MED13: variants seen among roughly 807,000 people sequenced by gnomAD.
MED13 encodes mediator of RNA polymerase II transcription subunit 13.
In MED13, 23 loss-of-function variants were observed where a neutral mutation model predicts 225.2. The observed-to-expected ratio is 0.10, with a 90% confidence interval of 0.07 to 0.14. The LOEUF is 0.14. Among genes scored for constraint, MED13 ranks in the 10% least tolerant of loss-of-function variants. The pLI is 1.00. For synonymous variants in MED13, 942 were observed against 889.2 expected, an observed-to-expected ratio of 1.06 and a Z score of -1.06; for missense variants, 2,197 against 2,594.5, an observed-to-expected ratio of 0.85 and a Z score of 3.33.
At position 61,961,080 on chromosome 17, in the gene MED13, C is replaced by T. The variant is rs1366271673; in HGVS notation, c.5267G>A (p.Cys1756Tyr). Residue 1756 changes from cysteine (C) to tyrosine (Y), a missense_variant, in exon 23 of 30, where the codon TGT (cysteine) becomes TAT (tyrosine). Cys to Tyr is a radical substitution (Grantham distance 194, BLOSUM62 -2). Around this residue, in one of 12 missense-constraint regions of MED13, gnomAD observed 457 missense variants for 442.2 expected, o/e 1.03. Coordinates refer to ENST00000397786, the MANE Select transcript of MED13 (RefSeq NM_005121.3). ...AAAAGGAGGTGCATAAAGTCGAATA[C>T]ACTCTGGTCTCTATAAAATAAAAAA... ...TALRSPDRPECIRLYAPPFIL... is the reference protein window; with the variant it reads ...TALRSPDRPEYIRLYAPPFIL... The T allele has an allele frequency of 6.2e-7, 1 of 1,612,236 alleles. No homozygotes were observed.
At chr17:62,009,744 T>C (rs539463791) in intron 9 of MED13, among the ~76,000 whole-genome samples, 48 of 152,276 alleles carry the variant, frequency 3.2e-4, no homozygotes, top group African/African-American at 1.1e-3. Flanking sequence ...AAAATTCTTA[T>C]ACAAGTAAAC....
Position 62,031,597 on chromosome 17 carries a change from G to C in MED13, c.856C>G (p.Pro286Ala). 6.2e-7 allele frequency: 1 copy of C among 1,612,636 alleles called. No homozygotes were observed. The highest frequency in any genetic ancestry group is 8.5e-7 in the Non-Finnish European group (1 of 1,179,420). ...MIYPACFVLV[P>A]QSDIPTPSPV... Reference sequence around the variant, plus strand: ...CTAGGAGTAGGAATGTCTGACTGAGGGACTAGAACAAAGCATGCTGGGTAG... The same window carrying C: ...CTAGGAGTAGGAATGTCTGACTGAGCGACTAGAACAAAGCATGCTGGGTAG... The change falls in exon 6 of 30, where the codon CCT (proline) becomes GCT (alanine). Residue 286 changes from proline to alanine, a missense_variant. By Grantham distance (27) the Pro-to-Ala change is conservative. This residue lies in a region of MED13 where 884 missense variants were observed against 918.5 expected (regional missense o/e 0.96). Coordinates refer to ENST00000397786, the MANE Select transcript of MED13 (RefSeq NM_005121.3).
At chr17:62,057,577 T>C (rs568318581) in intron 2 of MED13, among the ~76,000 whole-genome samples, 80 of 152,364 alleles carry the variant, frequency 5.3e-4, no homozygotes, top group African/African-American at 1.8e-3. Context: ...TGGGACTAGA[T>C]TCCTATGCCT....
chr17:62,053,013 T>C (rs991772321), intron 2 of MED13, among the ~76,000 whole-genome samples: 3 of 152,196 alleles, frequency 2.0e-5, no homozygotes, highest in Admixed American at 1.3e-4. Flanking sequence ...CTTGTTTGTA[T>C]AACCTGGAAA....
At chr17:61,990,294 A>G (rs2080284595) in intron 11 of MED13, among the ~76,000 whole-genome samples, 1 of 152,054 alleles carries the variant, frequency 6.6e-6, no homozygotes, top group Admixed American at 6.6e-5. Context: ...ATATACATAC[A>G]CACACATATA....
rs374135060 is a variant in MED13, at chr17:62,012,422, G to A, written c.1284-1189C>T. Among the ~76,000 whole-genome samples the A allele has an allele frequency of 4.4e-3, 653 of 147,364 alleles. 8 individuals are homozygous for A. Among genetic ancestry groups the A allele is most frequent in the African/African-American group, 0.015 (584 of 40,074 alleles). ...TCAGCTCACCGCAACCTCCACCTCC[G>A]GGGTTCAAGCGATTCTCCTGCCTCA... On this transcript the variant is annotated intron_variant, in intron 8 of 29. Coordinates refer to ENST00000397786, the MANE Select transcript of MED13 (RefSeq NM_005121.3).
In MED13 at chr17:61,982,642, T is replaced by C. The variant is rs755284521; in HGVS notation, c.3361A>G (p.Arg1121Gly). Residue 1121 changes from arginine to glycine, a missense_variant, in exon 16 of 30, where the codon AGG becomes GGG. Around this residue, in one of 12 missense-constraint regions of MED13, gnomAD observed 99 missense variants for 158.5 expected, o/e 0.62. Transcript: ENST00000397786. Reference sequence around the variant, plus strand: ...ACAGCACTGAAGCCACAGGTACACCTATATTGTGCTTCCTGCGTTGGATCT... The same window carrying C: ...ACAGCACTGAAGCCACAGGTACACCCATATTGTGCTTCCTGCGTTGGATCT... ...IPDPTQEAQY[R>G]CTCGFSAVMN... 4 of 1,614,212 alleles carry C rather than the reference T, an allele frequency of 2.5e-6. No homozygotes were observed. The highest frequency in any genetic ancestry group is 3.4e-6 in the Non-Finnish European group (4 of 1,180,030).
At position 61,944,751 on chromosome 17, in the gene MED13, T is replaced by C. The variant is rs372083213; in HGVS notation, c.*1717A>G. 2 of 152,672 alleles carry C rather than the reference T, an allele frequency of 1.3e-5. No homozygotes were observed. The allele number at this position is 152,672 out of a possible 1,614,324, so 9.5% of individuals were successfully genotyped here. On this transcript the variant is annotated 3_prime_UTR_variant, in exon 30 of 30. Transcript: ENST00000397786. ...AACTGATTTTGTCCTTGTAGATAAT[T>C]AGTGAACGTACAAATAGAAATTTTG...
At chr17:62,048,058 A>ATATATG (rs1217860170) in intron 3 of MED13, among the ~76,000 whole-genome samples, 1 of 143,296 alleles carries the variant, frequency 7.0e-6, no homozygotes, top group African/African-American at 2.5e-5. Context: ...ATATATATAT[A>ATATATG]TATATGTATA....
intron 8 of MED13, among the ~76,000 whole-genome samples, chr17:62,017,028 A>G (rs1211649146): frequency 6.7e-6 from 1 of 149,972 alleles, no homozygotes; most frequent in African/African-American, 2.4e-5. Context: ...ATATAATAAT[A>G]ATAATAAATA....
At chr17:62,031,688 G>C (rs764356205) in intron 5 of MED13, 50 bp from the exon 6 acceptor site, 1 of 1,279,744 alleles carries the variant, frequency 7.8e-7, no homozygotes, top group Non-Finnish European at 1.0e-6. Context: ...TGTGACTAGT[G>C]AATTAGTTTC....
chr17:61,990,004 T>G (rs2080281387), intron 11 of MED13, among the ~76,000 whole-genome samples: 1 of 152,228 alleles, frequency 6.6e-6, no homozygotes, highest in Non-Finnish European at 1.5e-5. Context: ...CATTTGTTCA[T>G]TGTTCAGATA....
At chr17:61,951,019 A>G (rs1425748438) in intron 27 of MED13, 21 bp from the exon 28 acceptor site, 1 of 1,595,470 alleles carries the variant, frequency 6.3e-7, no homozygotes, top group East Asian at 2.2e-5. Context: ...CAAAATTAAA[A>G]GTATATTAGT....
At chr17:62,045,427 G>A (rs759871155) in intron 3 of MED13, among the ~76,000 whole-genome samples, 1 of 152,126 alleles carries the variant, frequency 6.6e-6, no homozygotes, top group South Asian at 2.1e-4. Flanking sequence ...GGAGGCTGAG[G>A]TGGGAGAACC....
chr17:61,953,148 A>T (rs1395656083), intron 26 of MED13, 35 bp from the exon 27 acceptor site: 1 of 1,591,568 alleles, frequency 6.3e-7, no homozygotes, highest in Non-Finnish European at 8.5e-7. Context: ...TTAAAACTCC[A>T]TTTTCCATAT....
At chr17:62,016,178 C>A (rs7224854) in intron 8 of MED13, among the ~76,000 whole-genome samples, 28,318 of 136,002 alleles carry the variant, frequency 0.21, 5,464 homozygotes, top group African/African-American at 0.51. Context: ...AGAACAACAA[C>A]AAAAAAAAAA....
At chr17:61,988,508 G>C (rs1455031662) in intron 11 of MED13, among the ~76,000 whole-genome samples, 2 of 152,148 alleles carry the variant, frequency 1.3e-5, no homozygotes, top group African/African-American at 2.4e-5. Flanking sequence ...AGATTCACTA[G>C]AGTTGTGCCT....
chr17:61,998,611 T>TC (rs2080366335), intron 9 of MED13, among the ~76,000 whole-genome samples: 1 of 149,780 alleles, frequency 6.7e-6, no homozygotes, highest in Non-Finnish European at 1.5e-5. Flanking sequence ...TTTTTTTTTT[T>TC]TTTTTTTTGA....
At chr17:61,965,691 A>C (rs1408154963) in intron 19 of MED13, among the ~76,000 whole-genome samples, 1 of 152,208 alleles carries the variant, frequency 6.6e-6, no homozygotes, top group African/African-American at 2.4e-5. Context: ...TTTTCACTCA[A>C]AATTAAAGAA....
Sources: gnomAD v4.1 joint callset for allele counts (sites outside exome capture counted in the v4.1 genomes callset) on GRCh38, gnomAD v4.1.1 for gene constraint, gnomAD v4.1.1 regional missense constraint, MANE v1.5 for transcripts, NCBI Gene and HGNC (gene_info 2026-07-23, HGNC 2026-07-21) for gene names.